Variants in SPTBN4 observed in about 807,000 individuals in gnomAD.
The protein encoded by SPTBN4 is spectrin beta chain, non-erythrocytic 4.
A neutral mutation model predicts 277.8 loss-of-function variants in SPTBN4; 96 were observed. The observed-to-expected ratio is 0.35, with a 90% confidence interval of 0.29 to 0.41. The LOEUF is 0.41. SPTBN4 is among the 10% of genes least tolerant of loss of function. SPTBN4 has a pLI of 1.00. For synonymous variants in SPTBN4, 1,481 were observed against 1,580.3 expected (o/e 0.94, Z 1.49); for missense variants, 3,006 against 3,595.7 (o/e 0.84, Z 4.19).
At chr19:40,530,477 G>A (rs2090306106) in intron 18 of SPTBN4, 1 of 979,378 alleles carries the variant, frequency 1.0e-6, no homozygotes, top group African/African-American at 1.8e-5. Context: ...GGGAGGGGGC[G>A]CGCGGCCGCC....
chr19:40,523,496 G>T lies in SPTBN4; in HGVS notation c.3714G>T (p.Leu1238Phe). Residue 1238 changes from leucine (L) to phenylalanine (F), a missense_variant, in exon 17 of 36, where the codon TTG becomes TTT. Physicochemically the swap from Leu to Phe is conservative, Grantham distance 22 (BLOSUM62 0). This residue lies in a region of SPTBN4 where 1,759 missense variants were observed against 2,061.5 expected (regional missense o/e 0.85). Transcript: ENST00000598249. ...CAGTGGAATCGGTGGAGGAGGCCTT[G>T]AAACAGCACCGTGACTTTCTCACCA... ...PGTVESVEEA[L>F]KQHRDFLTTM... 1 of 1,613,864 alleles carries T rather than the reference G, an allele frequency of 6.2e-7. No homozygotes were observed. Among genetic ancestry groups the T allele is most frequent in the Non-Finnish European group, 8.5e-7 (1 of 1,179,928 alleles).
intron 24 of SPTBN4, among the ~76,000 whole-genome samples, chr19:40,555,504 A>AAAG (rs1555718119): frequency 2.5e-4 from 37 of 150,848 alleles, no homozygotes; most frequent in African/African-American, 8.6e-4. Context: ...AAAAAAAAAA[A>AAAG]AAAAGAAAAG....
In SPTBN4 at chr19:40,554,657, G is replaced by C; in HGVS notation, c.5084+11G>C. ...GGGGCACCCGGACAGGTGGGCGGGC[G>C]CGTGGCCAGTTCACAGGAATGGTCC... On this transcript the variant is annotated intron_variant, in intron 24 of 35. Transcript: ENST00000598249. This position sits in a 1 kb window ranked among gnomAD's most constrained non-coding sequence, Gnocchi z 5.7. 6.3e-7 allele frequency: 1 copy of C among 1,590,478 alleles called. No homozygotes were observed. Among genetic ancestry groups the C allele is most frequent in the South Asian group, 1.1e-5 (1 of 87,296 alleles).
intron 12 of SPTBN4, 22 bp downstream of exon 12, chr19:40,504,154 T>C: frequency 5.1e-6 from 4 of 777,690 alleles, no homozygotes; most frequent in Non-Finnish European, 7.7e-6. Flanking sequence ...GGGGCGGGGA[T>C]GCGGGTGGAG....
chr19:40,514,226 T>A (rs1362802958), intron 14 of SPTBN4, among the ~76,000 whole-genome samples: 1 of 152,170 alleles, frequency 6.6e-6, no homozygotes, highest in African/African-American at 2.4e-5. Flanking sequence ...CCTTTCTAGG[T>A]CTTGTGCTGG....
chr19:40,547,367 C>T (rs1382734745), intron 20 of SPTBN4, among the ~76,000 whole-genome samples: 1 of 152,030 alleles, frequency 6.6e-6, no homozygotes, highest in East Asian at 1.9e-4. Flanking sequence ...ACTCATCCTT[C>T]TTTATGGCTG....
intron 35 of SPTBN4, among the ~76,000 whole-genome samples, chr19:40,574,623 A>G (rs981580617): frequency 2.0e-5 from 3 of 152,024 alleles, no homozygotes; most frequent in Non-Finnish European, 4.4e-5. Context: ...CAGCCTCCCA[A>G]AGTGCTGGGA....
chr19:40,509,793 G>C (rs2080371146), intron 13 of SPTBN4, among the ~76,000 whole-genome samples: 1 of 152,182 alleles, frequency 6.6e-6, no homozygotes, highest in Admixed American at 6.6e-5. Flanking sequence ...CAGGTTGATG[G>C]GGAAGTTTCT....
intron 17 of SPTBN4, among the ~76,000 whole-genome samples, chr19:40,526,167 CTTTTTTTTTTTTT>C (rs1168105162): frequency 3.1e-4 from 29 of 93,160 alleles, no homozygotes; most frequent in Admixed American, 1.5e-3. Flanking sequence ...AGGTGCTGTT[CTTTTTTTTTTTTT>C]TTTTTTTTTT....
intron 34 of SPTBN4, 47 bp downstream of exon 34, chr19:40,572,239 A>C: frequency 1.9e-6 from 3 of 1,599,204 alleles, no homozygotes; most frequent in Non-Finnish European, 1.7e-6. Context: ...GCTCAGCTTC[A>C]ACTCCCAGTG....
At position 40,487,868 on chromosome 19, in the gene SPTBN4, T is replaced by C; in HGVS notation, c.321+20T>C. The C allele has an allele frequency of 6.3e-7, 1 of 1,581,254 alleles. No individual in the cohort carries two copies. ...CAGCTGGTGAGGGGGCCTGAAGGGC[T>C]GGGGCAGGGGTCCTCCCTGGGGTCT... On this transcript the variant is annotated intron_variant, in intron 3 of 35. Transcript: ENST00000598249.
At chr19:40,540,879 A>G (rs1249488001) in intron 20 of SPTBN4, among the ~76,000 whole-genome samples, 1 of 150,420 alleles carries the variant, frequency 6.6e-6, no homozygotes, top group Non-Finnish European at 1.5e-5. Context: ...ATATTTATAT[A>G]GTGTTAAAAG....
rs2079898117 is a variant in SPTBN4 at position 40,472,648 on chromosome 19, C to T, written c.27C>T (p.Asp9=). Residue 9 remains aspartate, a synonymous_variant, in exon 2 of 36, where the codon GAC becomes GAT. Coordinates refer to ENST00000598249, the MANE Select transcript of SPTBN4 (RefSeq NM_020971.3). Reference sequence around the variant, plus strand: ...TGGCGCAGGTACCAGGGGAAGTGGACAACATGGAGGGCCTGCCTGCTCCTA... The same window carrying T: ...TGGCGCAGGTACCAGGGGAAGTGGATAACATGGAGGGCCTGCCTGCTCCTA... MAQVPGEV[D]NMEGLPAPNN... The T allele has an allele frequency of 6.2e-7, 1 of 1,613,554 alleles. No homozygotes were observed. The highest frequency in any genetic ancestry group is 1.7e-5 in the Admixed American group (1 of 59,954).
chr19:40,514,530 T>G (rs2080432181), intron 14 of SPTBN4, among the ~76,000 whole-genome samples: 1 of 152,182 alleles, frequency 6.6e-6, no homozygotes, highest in Non-Finnish European at 1.5e-5. Flanking sequence ...CCCAGGGCTC[T>G]GGCCTGGCAG....
At chr19:40,486,302 A>C (rs2080071577) in intron 2 of SPTBN4, among the ~76,000 whole-genome samples, 1 of 152,110 alleles carries the variant, frequency 6.6e-6, no homozygotes, top group African/African-American at 2.4e-5. Flanking sequence ...AAGGGAAAAA[A>C]AAGGAGGGGT....
chr19:40,509,185 G>C (rs2080363758), intron 13 of SPTBN4, among the ~76,000 whole-genome samples: 1 of 150,366 alleles, frequency 6.7e-6, no homozygotes, highest in African/African-American at 2.5e-5. Flanking sequence ...ACCTCCCAGA[G>C]TGTTGGGATT....
intron 35 of SPTBN4, among the ~76,000 whole-genome samples, chr19:40,574,140 AAAAC>A (rs2081180009): frequency 6.6e-6 from 1 of 151,906 alleles, no homozygotes; most frequent in Non-Finnish European, 1.5e-5. Context: ...AAAACAAAAC[AAAAC>A]AAAAAAAGAT....
Position 40,520,124 on chromosome 19 carries a change from C to T in SPTBN4, c.3627C>T (p.Arg1209=). 1 of 1,457,522 alleles carries T rather than the reference C, an allele frequency of 6.9e-7. No homozygotes were observed. The highest frequency in any genetic ancestry group is 1.5e-5 in the South Asian group (1 of 68,200). The allele number at this position is 1,457,522 out of a possible 1,614,324, so 90.3% of individuals were successfully genotyped here. A position where few individuals can be genotyped will look rare whatever the true frequency, so the allele number is the denominator to read the frequency against. The change falls in exon 16 of 36, where the codon CGC becomes CGT. Residue 1209 remains arginine (R), a synonymous_variant. Coordinates refer to ENST00000598249, the MANE Select transcript of SPTBN4 (RefSeq NM_020971.3). ...ACCAGCTCTTCCTGCGGGATCTACGCCAGGCGCTCGTGGTGCTGCGTAACC... is the reference window on the plus strand; with the variant it reads ...ACCAGCTCTTCCTGCGGGATCTACGTCAGGCGCTCGTGGTGCTGCGTAACC... The part of the protein sequence containing the change: ...HIYQLFLRDL[R]QALVVLRNQE...
In SPTBN4 at chr19:40,575,394, C is replaced by T; in HGVS notation, c.7537-17C>T. 6.2e-7 allele frequency: 1 copy of T among 1,610,826 alleles called. No homozygotes were observed. Among genetic ancestry groups the T allele is most frequent in the Non-Finnish European group, 8.5e-7 (1 of 1,178,334 alleles). On this transcript the variant is annotated splice_polypyrimidine_tract_variant and intron_variant, in intron 35 of 35. Coordinates refer to ENST00000598249, the MANE Select transcript of SPTBN4 (RefSeq NM_020971.3). ...TCTCTTCCAAATACGGCCTCTGTGC[C>T]CTGTTTCTTCCCCCAGGAGGAGATG... is the stretch of plus-strand genomic sequence containing the variant.
Sources: gnomAD v4.1 joint callset for allele counts (sites outside exome capture counted in the v4.1 genomes callset) on GRCh38, gnomAD v4.1.1 for gene constraint, gnomAD v4.1.1 regional missense constraint, Gnocchi (gnomAD v3.1) non-coding constraint, MANE v1.5 for transcripts, NCBI Gene and HGNC (gene_info 2026-07-23, HGNC 2026-07-21) for gene names.